Variants in TMEM164 observed in about 807,000 individuals in gnomAD.
TMEM164 encodes transmembrane protein 164, also known as RP13-360B22.2.
Under a neutral mutation model 18.8 loss-of-function variants are expected in TMEM164, and 4 were observed. The ratio of observed to expected loss-of-function variants is 0.21; its 90% CI spans 0.10 to 0.49. TMEM164 has a LOEUF of 0.49. Among genes scored for constraint, TMEM164 ranks in the 20% least tolerant of loss-of-function variants. The pLI is 0.98. For missense variants in TMEM164, 108 were observed against 239.9 expected (o/e 0.45, Z 3.63); for synonymous variants, 86 against 101.7 (o/e 0.85, Z 0.93).
intron 2 of TMEM164, among the ~76,000 whole-genome samples, chrX:110,015,580 T>TGC (rs1299962124): frequency 0.019 from 2,084 of 108,272 alleles, 61 homozygotes; most frequent in African/African-American, 0.068. Flanking sequence ...TGTGTGTGTG[T>TGC]GCGCGCCTGT....
At chrX:110,071,077 C>T (rs1018081601) in intron 3 of TMEM164, among the ~76,000 whole-genome samples, 7 of 110,924 alleles carry the variant, frequency 6.3e-5, no homozygotes, top group Non-Finnish European at 1.3e-4. Flanking sequence ...CTGTACTCCT[C>T]CATATTTGCT....
At chrX:110,168,914 C>G (rs1182496667) in intron 5 of TMEM164, among the ~76,000 whole-genome samples, 1 of 112,732 alleles carries the variant, frequency 8.9e-6, no homozygotes, top group Admixed American at 9.3e-5. Flanking sequence ...ATCCCAGATA[C>G]AATACTGTAA....
chrX:110,172,097 T>A (rs751113837), intron 6 of TMEM164, among the ~76,000 whole-genome samples: 22 of 111,527 alleles, frequency 2.0e-4, no homozygotes, highest in Admixed American at 1.5e-3. Context: ...GCAAAATGAG[T>A]AGGAAGAGCT....
intron 2 of TMEM164, among the ~76,000 whole-genome samples, chrX:110,009,809 C>T (rs985885306): frequency 3.6e-5 from 4 of 110,414 alleles, no homozygotes; most frequent in Middle Eastern, 9.3e-3. Flanking sequence ...TTGGCTAACA[C>T]GGTGAAACCC....
chrX:110,178,401 T>C (rs1405462357), downstream of TMEM164, among the ~76,000 whole-genome samples: 3 of 111,534 alleles, frequency 2.7e-5, no homozygotes, highest in African/African-American at 9.8e-5. Context: ...GGGCCAGATA[T>C]GGCGAAGGGG....
intron 2 of TMEM164, among the ~76,000 whole-genome samples, chrX:110,034,178 C>A (rs1934658148): frequency 8.9e-6 from 1 of 112,045 alleles, no homozygotes; most frequent in African/African-American, 3.2e-5. Context: ...ATTTCACCTT[C>A]TTATGTGACT....
chrX:110,093,597 A>G (rs914601366), intron 3 of TMEM164, among the ~76,000 whole-genome samples: 1 of 110,908 alleles, frequency 9.0e-6, no homozygotes, highest in Non-Finnish European at 1.9e-5. Context: ...ATTAGGCTTG[A>G]TAGTGGTCTA....
chrX:110,034,770 C>T lies in TMEM164; in HGVS notation c.390+30606C>T, dbSNP rs563748885. Among the ~76,000 whole-genome samples the T allele has an allele frequency of 5.1e-3, 532 of 103,491 alleles. 2 individuals carry two copies. Among genetic ancestry groups the T allele is most frequent in the Non-Finnish European group, 7.7e-3 (393 of 50,736 alleles). The allele number at this position is 103,491 out of a possible 115,157, so 89.9% of individuals were successfully genotyped here. On this transcript the variant is annotated intron_variant, in intron 2 of 6. Transcript: ENST00000372068. ...ATGCTGCTATAAAGACACATGCACACGTATGTTTATTGCGGCACTATTCAC... is the reference window on the plus strand; with the variant it reads ...ATGCTGCTATAAAGACACATGCACATGTATGTTTATTGCGGCACTATTCAC...
In TMEM164 at chrX:110,071,364, G is replaced by A. The variant is rs767519205; in HGVS notation, c.440+3968G>A. On this transcript the variant is annotated intron_variant, in intron 3 of 6. Transcript: ENST00000372068. Reference sequence around the variant, plus strand: ...ATCTAATGCTTTTTCTACATCTATTGGTCATGTGGGATTTTTTCATTTAAA... The same window carrying A: ...ATCTAATGCTTTTTCTACATCTATTAGTCATGTGGGATTTTTTCATTTAAA... Among the ~76,000 whole-genome samples the A allele has an allele frequency of 2.8e-5, 3 of 108,962 alleles. No homozygotes were observed. In the East Asian group the frequency reaches 8.5e-4, roughly 31 times the overall value. 94.6% of individuals were successfully genotyped at this position (108,962 alleles called of 115,157 possible).
chrX:110,126,810 C>CTGTGTGTG (rs4035483), intron 4 of TMEM164, among the ~76,000 whole-genome samples: 1,079 of 69,559 alleles, frequency 0.016, 16 homozygotes, highest in African/African-American at 0.038. Flanking sequence ...TGGGCCACTC[C>CTGTGTGTG]TGTGTGTGTG....
intron 2 of TMEM164, among the ~76,000 whole-genome samples, chrX:110,005,674 G>A (rs182589643): frequency 1.8e-5 from 2 of 112,504 alleles, no homozygotes; most frequent in East Asian, 5.6e-4. Flanking sequence ...GCCATTCACA[G>A]GAAGTCCAGG....
chrX:110,051,379 G>A (rs145897972), intron 2 of TMEM164, among the ~76,000 whole-genome samples: 1 of 110,662 alleles, frequency 9.0e-6, no homozygotes, highest in Admixed American at 9.7e-5. Context: ...TGTGCATTCA[G>A]TATTTAGAAC....
At chrX:110,062,134 G>C (rs930208826) in intron 2 of TMEM164, among the ~76,000 whole-genome samples, 5 of 111,615 alleles carry the variant, frequency 4.5e-5, no homozygotes, top group Non-Finnish European at 9.4e-5. Flanking sequence ...CATAAACAGA[G>C]CTGCAACAAT....
At chrX:110,083,089 A>G (rs1435712440) in intron 3 of TMEM164, among the ~76,000 whole-genome samples, 1 of 111,426 alleles carries the variant, frequency 9.0e-6, no homozygotes, top group Non-Finnish European at 1.9e-5. Context: ...AAATTGATTG[A>G]TTTCTAAACC....
At chrX:110,006,738 G>T (rs1055280248) in intron 2 of TMEM164, among the ~76,000 whole-genome samples, 1 of 112,125 alleles carries the variant, frequency 8.9e-6, no homozygotes, top group African/African-American at 3.2e-5. Context: ...CATATACATT[G>T]TTACTTTTAG....
chrX:110,126,810 CTGTGTGTGTGTGTGTG>C lies in TMEM164; in HGVS notation c.507+17703_507+17718del, dbSNP rs4035483. On this transcript the variant is annotated intron_variant, in intron 4 of 6. Transcript: ENST00000372068. ...GGTTTATTTCCTGGCTGGGCCACTC[CTGTGTGTGTGTGTGTG>C]TGTGTGTGTGTGTGTGTGTGTGTGT... Among the ~76,000 whole-genome samples the C allele has an allele frequency of 3.9e-3, 274 of 69,570 alleles. 1 individual carries two copies. In the East Asian group the frequency reaches 0.056, roughly 14 times the overall value. 60.4% of individuals were successfully genotyped at this position (69,570 alleles called of 115,157 possible).
chrX:110,047,249 C>T (rs1028405866), intron 2 of TMEM164, among the ~76,000 whole-genome samples: 1 of 111,984 alleles, frequency 8.9e-6, no homozygotes, highest in Non-Finnish European at 1.9e-5. Context: ...AGGCTGTCTA[C>T]TGAAAGGAAA....
intron 3 of TMEM164, among the ~76,000 whole-genome samples, chrX:110,081,509 A>G (rs1469063276): frequency 8.9e-6 from 1 of 112,230 alleles, no homozygotes; most frequent in East Asian, 2.8e-4. Context: ...GAAAGTTTAC[A>G]TGACTGGATG....
intron 2 of TMEM164, among the ~76,000 whole-genome samples, chrX:110,006,162 G>A (rs1306388111): frequency 5.4e-5 from 6 of 111,385 alleles, no homozygotes; most frequent in African/African-American, 1.6e-4. Flanking sequence ...TCCATAAGTC[G>A]TAGATGGGTA....
Sources: allele counts gnomAD v4.1 joint callset (sites outside exome capture counted in the v4.1 genomes callset), GRCh38; gene constraint gnomAD v4.1.1; transcripts MANE v1.5; gene names NCBI Gene and HGNC (gene_info 2026-07-23, HGNC 2026-07-21).